Variants in NAALADL2 observed in about 807,000 individuals in gnomAD.
NAALADL2 encodes inactive N-acetylated-alpha-linked acidic dipeptidase-like protein 2.
A neutral mutation model predicts 87.2 loss-of-function variants in NAALADL2; 76 were observed. The observed-to-expected ratio is 0.87, with a 90% CI of 0.72 to 1.05. The LOEUF is 1.05. NAALADL2 is among the 50% of genes least tolerant of loss of function. The pLI is 0.00. For missense variants in NAALADL2, 1,089 were observed against 945.8 expected (o/e 1.15, Z -1.99); for synonymous variants, 354 against 331.0 (o/e 1.07, Z -0.75).
chr3:175,404,009 G>T (rs763494019), intron 5 of NAALADL2, among the ~76,000 whole-genome samples: 3 of 152,068 alleles, frequency 2.0e-5, no homozygotes, highest in Non-Finnish European at 4.4e-5. Context: ...GCTCTCTCCA[G>T]CTTGTTTGTA....
intron 3 of NAALADL2, among the ~76,000 whole-genome samples, chr3:174,768,434 C>T (rs944789384): frequency 5.9e-5 from 9 of 152,066 alleles, no homozygotes; most frequent in African/African-American, 2.2e-4. Context: ...CTAGTCTTTT[C>T]ATTTATAAAG....
intron 5 of NAALADL2, among the ~76,000 whole-genome samples, chr3:175,367,171 G>C (rs898690145): frequency 1.5e-4 from 23 of 151,480 alleles, no homozygotes; most frequent in African/African-American, 4.4e-4. Flanking sequence ...GATAGTTGTA[G>C]ATATGCGGCG....
intron 2 of NAALADL2, chr3:175,115,249 A>C (rs1183124715): frequency 6.6e-6 from 1 of 151,612 alleles, no homozygotes; most frequent in Non-Finnish European, 1.5e-5. Flanking sequence ...TAGGCCCAGC[A>C]AACAGTCAAA....
intron 13 of NAALADL2, among the ~76,000 whole-genome samples, chr3:175,775,538 G>A (rs147146267): frequency 2.0e-3 from 308 of 152,180 alleles, no homozygotes; most frequent in African/African-American, 7.1e-3. Flanking sequence ...AAACATTTAT[G>A]TGCCTATTCT....
intron 11 of NAALADL2, among the ~76,000 whole-genome samples, chr3:175,686,149 CTGT>C (rs1736265726): frequency 6.6e-6 from 1 of 152,140 alleles, no homozygotes. Context: ...AATATTTCAG[CTGT>C]TGTTATTCTG....
intron 5 of NAALADL2, among the ~76,000 whole-genome samples, chr3:175,379,000 T>C (rs1054714198): frequency 6.6e-6 from 1 of 152,172 alleles, no homozygotes; most frequent in Non-Finnish European, 1.5e-5. Flanking sequence ...ATTGGTTGCA[T>C]ATTTTCAAGT....
At chr3:174,697,315 T>G (rs904861007) in intron 2 of NAALADL2, among the ~76,000 whole-genome samples, 1 of 152,204 alleles carries the variant, frequency 6.6e-6, no homozygotes, top group Non-Finnish European at 1.5e-5. Context: ...TTCAACTTTG[T>G]ATACAACATA....
At chr3:175,151,231 A>G (rs943770005) in intron 2 of NAALADL2, among the ~76,000 whole-genome samples, 8 of 152,120 alleles carry the variant, frequency 5.3e-5, no homozygotes, top group African/African-American at 1.4e-4. Flanking sequence ...TGTGATCAAC[A>G]ACTGGGCAGG....
chr3:175,015,202 T>C (rs987659820), intron 1 of NAALADL2, among the ~76,000 whole-genome samples: 4 of 152,136 alleles, frequency 2.6e-5, no homozygotes, highest in Non-Finnish European at 4.4e-5. Context: ...ACTTAACACT[T>C]CAGTATCACG....
chr3:175,758,162 A>G (rs928658630), intron 13 of NAALADL2, among the ~76,000 whole-genome samples: 2 of 152,034 alleles, frequency 1.3e-5, no homozygotes, highest in Non-Finnish European at 2.9e-5. Context: ...AAAAATGATT[A>G]AACACATCAT....
intron 2 of NAALADL2, among the ~76,000 whole-genome samples, chr3:175,233,467 A>T (rs1023670646): frequency 6.6e-6 from 1 of 151,942 alleles, no homozygotes; most frequent in Admixed American, 6.6e-5. Context: ...CTTTGGAGAG[A>T]GTCTCACTCT....
intron 11 of NAALADL2, among the ~76,000 whole-genome samples, chr3:175,723,186 C>G (rs569103738): frequency 6.6e-6 from 1 of 152,200 alleles, no homozygotes. Context: ...GCTCTGGCAG[C>G]TGGCTAAAAT....
chr3:174,611,206 C>G (rs1306215291), intron 2 of NAALADL2, among the ~76,000 whole-genome samples: 1 of 151,318 alleles, frequency 6.6e-6, no homozygotes, highest in Non-Finnish European at 1.5e-5. Flanking sequence ...AGGAGATACA[C>G]CTAATGGTAA....
intron 2 of NAALADL2, among the ~76,000 whole-genome samples, chr3:174,700,708 A>G (rs1286210262): frequency 6.6e-6 from 1 of 152,242 alleles, no homozygotes; most frequent in Non-Finnish European, 1.5e-5. Context: ...GATAATATAC[A>G]GTAAGCAAAC....
chr3:175,470,148 T>A (rs1724652429), intron 8 of NAALADL2, among the ~76,000 whole-genome samples: 1 of 152,118 alleles, frequency 6.6e-6, no homozygotes, highest in Admixed American at 6.5e-5. Context: ...TTCTTGTTTT[T>A]CAAGGCTAAA....
intron 5 of NAALADL2, among the ~76,000 whole-genome samples, chr3:175,405,324 T>C (rs1235449961): frequency 2.0e-5 from 3 of 152,166 alleles, no homozygotes; most frequent in Non-Finnish European, 2.9e-5. Context: ...TTCAGGTAGA[T>C]ACATGATTCT....
intron 3 of NAALADL2, among the ~76,000 whole-genome samples, chr3:174,827,345 A>G (rs1357452673): frequency 1.3e-5 from 2 of 152,194 alleles, no homozygotes; most frequent in African/African-American, 2.4e-5. Flanking sequence ...GTTAAGGTCT[A>G]GGTGTTGTTG....
At position 175,716,375 on chromosome 3, in the gene NAALADL2, A is replaced by T. The variant is rs972522844; in HGVS notation, c.1897-20931A>T. On this transcript the variant is annotated intron_variant, in intron 11 of 13. Coordinates refer to ENST00000454872, the MANE Select transcript of NAALADL2 (RefSeq NM_207015.3). ...TGTATATGTGTGTGTGTATATGTATACATATACACACACACTAACAAAAAG... is the reference window on the plus strand; with the variant it reads ...TGTATATGTGTGTGTGTATATGTATTCATATACACACACACTAACAAAAAG... Among the ~76,000 whole-genome samples the T allele has an allele frequency of 2.0e-5, 3 of 148,966 alleles. No individual in the cohort carries two copies. The Admixed American group carries it at 2.0e-4, about 10-fold the overall frequency.
intron 10 of NAALADL2, among the ~76,000 whole-genome samples, chr3:175,611,487 CA>C (rs1724644677): frequency 6.6e-6 from 1 of 151,620 alleles, no homozygotes; most frequent in African/African-American, 2.4e-5. Flanking sequence ...AAATTGGGTC[CA>C]AGTTAAAAAG....
Sources: gnomAD v4.1 joint callset for allele counts (sites outside exome capture counted in the v4.1 genomes callset) on GRCh38, gnomAD v4.1.1 for gene constraint, MANE v1.5 for transcripts, NCBI Gene and HGNC (gene_info 2026-07-23, HGNC 2026-07-21) for gene names.